The following SLC24A2 variants were observed in gnomAD, a reference collection of about 807,000 sequenced individuals.
The protein encoded by SLC24A2 is sodium/potassium/calcium exchanger 2.
Under a neutral mutation model 62.0 loss-of-function variants are expected in SLC24A2, and 36 were observed. That is an observed-to-expected ratio of 0.58 (90% CI 0.44 to 0.77). SLC24A2 has a LOEUF of 0.77. SLC24A2 is among the 30% of genes least tolerant of loss of function. The pLI is 0.00. For synonymous variants in SLC24A2, 358 were observed against 294.0 expected (o/e 1.22, Z -2.23); for missense variants, 846 against 817.9 (o/e 1.03, Z -0.42).
chr9:19,867,903 G>A, the SLC24A2 span, among the ~76,000 whole-genome samples: 1 of 152,192 alleles, frequency 6.6e-6, no homozygotes, highest in Non-Finnish European at 1.5e-5. Flanking sequence ...GCGAGACTCT[G>A]TCTCAGAAGA....
chr9:19,709,718 AG>A (rs1249738977), intron 2 of SLC24A2, among the ~76,000 whole-genome samples: 1 of 127,356 alleles, frequency 7.9e-6, no homozygotes, highest in Admixed American at 9.7e-5. Flanking sequence ...ACATGGACAC[AG>A]GAAGGGGAAA....
the SLC24A2 span, among the ~76,000 whole-genome samples, chr9:19,807,297 A>T: frequency 1.3e-5 from 2 of 152,230 alleles, no homozygotes; most frequent in African/African-American, 4.8e-5. Flanking sequence ...TTTATGTAAG[A>T]ACTTGGCTTT....
the SLC24A2 span, among the ~76,000 whole-genome samples, chr9:20,077,990 G>A: frequency 7.0e-6 from 1 of 143,316 alleles, no homozygotes; most frequent in Non-Finnish European, 1.6e-5. Context: ...TGTAGGGAAT[G>A]TGCAGATGCT....
chr9:20,271,498 A>G, the SLC24A2 span, among the ~76,000 whole-genome samples: 1 of 152,202 alleles, frequency 6.6e-6, no homozygotes, highest in East Asian at 1.9e-4. Flanking sequence ...TCAACAGATC[A>G]TCTCTGAGAA....
At chr9:19,564,798 G>C (rs1835581968) in intron 7 of SLC24A2, among the ~76,000 whole-genome samples, 1 of 152,150 alleles carries the variant, frequency 6.6e-6, no homozygotes, top group Non-Finnish European at 1.5e-5. Flanking sequence ...GAATTTGCAA[G>C]TCTCTCCCCC....
At chr9:19,917,966 G>T in the SLC24A2 span, among the ~76,000 whole-genome samples, 6 of 152,052 alleles carry the variant, frequency 3.9e-5, no homozygotes, top group African/African-American at 1.4e-4. Context: ...GCTATTAAGA[G>T]AATAACTATC....
intron 2 of SLC24A2, among the ~76,000 whole-genome samples, chr9:19,756,903 C>CTTTTTTTTTTTTTTTTTT (rs780450451): frequency 2.5e-5 from 2 of 78,522 alleles, no homozygotes; most frequent in Non-Finnish European, 2.2e-5. Flanking sequence ...TTTACTGAAG[C>CTTTTTTTTTTTTTTTTTT]TTTTTTTTTT....
At chr9:19,728,117 C>CA (rs1189288652) in intron 2 of SLC24A2, among the ~76,000 whole-genome samples, 2 of 152,102 alleles carry the variant, frequency 1.3e-5, no homozygotes, top group African/African-American at 2.4e-5. Flanking sequence ...GATCCGTAGT[C>CA]AGACACATTA....
At chr9:19,655,561 G>C (rs1818920830) in intron 2 of SLC24A2, among the ~76,000 whole-genome samples, 1 of 152,144 alleles carries the variant, frequency 6.6e-6, no homozygotes, top group Non-Finnish European at 1.5e-5. Flanking sequence ...GAAGTGAACA[G>C]GTTTCAGTTA....
chr9:20,017,974 T>A, the SLC24A2 span, among the ~76,000 whole-genome samples: 1 of 151,986 alleles, frequency 6.6e-6, no homozygotes, highest in Admixed American at 6.6e-5. Context: ...TTACACGGAG[T>A]CTCGCTGTGT....
At chr9:19,847,903 T>G in the SLC24A2 span, among the ~76,000 whole-genome samples, 1 of 152,162 alleles carries the variant, frequency 6.6e-6, no homozygotes, top group Non-Finnish European at 1.5e-5. Flanking sequence ...GTTGGGTCAT[T>G]TTATGTTTGG....
the SLC24A2 span, among the ~76,000 whole-genome samples, chr9:20,127,994 G>A: frequency 6.6e-6 from 1 of 152,064 alleles, no homozygotes; most frequent in East Asian, 1.9e-4. Context: ...CTACTACGTA[G>A]TAGCATTTCT....
the SLC24A2 span, among the ~76,000 whole-genome samples, chr9:20,284,890 A>G: frequency 6.6e-6 from 1 of 152,244 alleles, no homozygotes. Context: ...CAGCTTCTGT[A>G]AATGCCTTAC....
chr9:19,582,486 A>C (rs1335563215), intron 5 of SLC24A2, among the ~76,000 whole-genome samples: 2 of 152,220 alleles, frequency 1.3e-5, no homozygotes, highest in Non-Finnish European at 2.9e-5. Flanking sequence ...GAGAGTGGCC[A>C]AACACAGCTC....
At chr9:19,554,913 C>T (rs1233419096) in intron 7 of SLC24A2, among the ~76,000 whole-genome samples, 1 of 152,116 alleles carries the variant, frequency 6.6e-6, no homozygotes, top group Admixed American at 6.6e-5. Flanking sequence ...ATAAAGGCAC[C>T]CACATGCTGT....
At chr9:19,714,837 A>T (rs1480071475) in intron 2 of SLC24A2, among the ~76,000 whole-genome samples, 1 of 152,122 alleles carries the variant, frequency 6.6e-6, no homozygotes. Context: ...TATAGTCTTT[A>T]TGTCGTACAT....
At chr9:19,790,875 T>C (rs963681483), upstream of SLC24A2, among the ~76,000 whole-genome samples, 1 of 152,130 alleles carries the variant, frequency 6.6e-6, no homozygotes, top group Non-Finnish European at 1.5e-5. Context: ...GAAGAGTTTT[T>C]CTTATGTTAT....
At chr9:20,150,673 A>T in the SLC24A2 span, among the ~76,000 whole-genome samples, 1 of 147,708 alleles carries the variant, frequency 6.8e-6, no homozygotes, top group Non-Finnish European at 1.5e-5. Context: ...TGTCAAAATA[A>T]CAAAAAATCC....
chr9:19,890,726 G>T, the SLC24A2 span, among the ~76,000 whole-genome samples: 1 of 151,964 alleles, frequency 6.6e-6, no homozygotes, highest in African/African-American at 2.4e-5. Flanking sequence ...TGCCAGGTTG[G>T]TCTTGAATTC....
Sources: allele counts gnomAD v4.1 joint callset (sites outside exome capture counted in the v4.1 genomes callset), GRCh38; gene constraint gnomAD v4.1.1; transcripts MANE v1.5; gene names NCBI Gene and HGNC (gene_info 2026-07-23, HGNC 2026-07-21).